EAF2: variants seen among roughly 807,000 people sequenced by gnomAD.
EAF2 encodes the protein ELL associated factor 2, also known as ELL-associated factor 2.
A neutral mutation model predicts 29.4 loss-of-function variants in EAF2; 29 were observed. The ratio of observed to expected loss-of-function variants is 0.99; its 90% CI spans 0.73 to 1.35. The LOEUF (loss-of-function observed/expected upper bound fraction) is 1.35, where lower values mean the gene tolerates loss of function less well. EAF2 is among the 40% of genes most tolerant of loss of function. The pLI, the probability that EAF2 is intolerant of heterozygous loss-of-function variation, is 0.00. For synonymous variants in EAF2, 103 were observed against 102.5 expected, an observed-to-expected ratio of 1.00 and a Z score of -0.03; for missense variants, 292 against 312.0, an observed-to-expected ratio of 0.94 and a Z score of 0.48.
At chr3:121,849,173 G>A (rs760570897) in intron 2 of EAF2, among the ~76,000 whole-genome samples, 4 of 152,108 alleles carry the variant, frequency 2.6e-5, no homozygotes, top group South Asian at 2.1e-4. Context: ...ACTTGCTTTC[G>A]TCATCCTGGT....
At chr3:121,865,136 C>T (rs1311424408) in intron 4 of EAF2, among the ~76,000 whole-genome samples, 1 of 152,086 alleles carries the variant, frequency 6.6e-6, no homozygotes, top group Non-Finnish European at 1.5e-5. Context: ...AGGCAAGGCA[C>T]AGTGGCTCAT....
intron 2 of EAF2, among the ~76,000 whole-genome samples, chr3:121,849,657 A>C (rs1708591476): frequency 6.6e-6 from 1 of 152,036 alleles, no homozygotes; most frequent in African/African-American, 2.4e-5. Flanking sequence ...TGAGGCTCCT[A>C]TATGTATGAG....
At chr3:121,884,136 G>A (rs553597791) in intron 5 of EAF2, among the ~76,000 whole-genome samples, 12 of 151,984 alleles carry the variant, frequency 7.9e-5, no homozygotes, top group South Asian at 2.1e-4. Context: ...TCAGGAGTTC[G>A]AGACCAGCCT....
Position 121,857,009 on chromosome 3 carries a change from A to G in EAF2, c.339-2A>G, listed in dbSNP as rs1208375252. The G allele has an allele frequency of 1.2e-6, 2 of 1,605,918 alleles. No individual in the cohort carries two copies. The highest frequency in any genetic ancestry group is 1.3e-5 in the African/African-American group (1 of 74,568). ...TTCAATATTTGATATTCTTAATTGC[A>G]GAGTTGAAGGAAGCAGTAAAATTCA... is the stretch of plus-strand genomic sequence containing the variant. On this transcript the variant is annotated splice_acceptor_variant, in intron 3 of 5. Transcript: ENST00000273668. LOFTEE classifies it high-confidence loss of function.
chr3:121,884,155 T>TG (rs2107552472), intron 5 of EAF2, among the ~76,000 whole-genome samples: 1 of 151,920 alleles, frequency 6.6e-6, no homozygotes, highest in South Asian at 2.1e-4. Flanking sequence ...CTGGCCAACA[T>TG]GGTGAAACCC....
chr3:121,842,409 T>G (rs1479910340), intron 1 of EAF2, among the ~76,000 whole-genome samples: 2 of 152,206 alleles, frequency 1.3e-5, no homozygotes, highest in Non-Finnish European at 2.9e-5. Context: ...TTGTTGACAT[T>G]GATATATCTT....
chr3:121,876,046 AG>A (rs1709089658), intron 5 of EAF2, among the ~76,000 whole-genome samples: 1 of 152,006 alleles, frequency 6.6e-6, no homozygotes, highest in Non-Finnish European at 1.5e-5. Flanking sequence ...CCAGAATTGA[AG>A]AAACCCATGA....
intron 4 of EAF2, among the ~76,000 whole-genome samples, chr3:121,859,174 A>T (rs989273572): frequency 6.6e-6 from 1 of 151,938 alleles, no homozygotes; most frequent in East Asian, 1.9e-4. Context: ...TGTCTGTATG[A>T]CTTTAAAGTA....
chr3:121,863,702 A>G (rs1559825295), intron 4 of EAF2, among the ~76,000 whole-genome samples: 1 of 151,830 alleles, frequency 6.6e-6, no homozygotes, highest in Non-Finnish European at 1.5e-5. Context: ...GGCTGCACCC[A>G]CTGTCTAACA....
At chr3:121,849,542 G>T (rs1276135652) in intron 2 of EAF2, among the ~76,000 whole-genome samples, 2 of 152,078 alleles carry the variant, frequency 1.3e-5, no homozygotes, top group Non-Finnish European at 2.9e-5. Flanking sequence ...TGCTTCTGTG[G>T]GCTTTTATGA....
At chr3:121,840,598 G>A (rs1344949492) in intron 1 of EAF2, among the ~76,000 whole-genome samples, 1 of 150,834 alleles carries the variant, frequency 6.6e-6, no homozygotes, top group Non-Finnish European at 1.5e-5. Flanking sequence ...GAGGTCAGGA[G>A]ATCGAGACCA....
At position 121,886,493 on chromosome 3, in the gene EAF2, G is replaced by A. The variant is rs568364884; in HGVS notation, c.*105G>A. ...AGGGAAATATGTCTTAACTTTTGAT[G>A]ATAAAAGAAATTAAATTTGATTCAG... On this transcript the variant is annotated 3_prime_UTR_variant, in exon 6 of 6. Coordinates refer to ENST00000273668, the MANE Select transcript of EAF2 (RefSeq NM_018456.6). 221 of 553,762 alleles carry A rather than the reference G, an allele frequency of 4.0e-4. No homozygotes were observed. Among genetic ancestry groups the A allele is most frequent in the Non-Finnish European group, 5.9e-4 (210 of 357,756 alleles). 34.3% of individuals were successfully genotyped at this position (553,762 alleles called of 1,614,324 possible).
intron 1 of EAF2, among the ~76,000 whole-genome samples, chr3:121,841,989 G>A (rs1708442813): frequency 6.6e-6 from 1 of 151,768 alleles, no homozygotes; most frequent in Non-Finnish European, 1.5e-5. Flanking sequence ...CTAGGCGACA[G>A]AGAGACTCCG....
chr3:121,872,801 A>G lies in EAF2; in HGVS notation c.736+13A>G. On this transcript the variant is annotated intron_variant, in intron 5 of 5. Coordinates refer to ENST00000273668, the MANE Select transcript of EAF2 (RefSeq NM_018456.6). ...ATGAATACTTTAAGTAAGTATACAT[A>G]AACACAGGCAATTGGAAAAGTAAGA... 6.3e-7 allele frequency: 1 copy of G among 1,594,108 alleles called. No homozygotes were observed. Among genetic ancestry groups the G allele is most frequent in the Non-Finnish European group, 8.5e-7 (1 of 1,170,772 alleles).
intron 1 of EAF2, chr3:121,836,916 A>T (rs1559814507): frequency 2.3e-6 from 1 of 436,362 alleles, no homozygotes; most frequent in Non-Finnish European, 3.0e-6. Flanking sequence ...CACAAATCCC[A>T]ATTTAAATGA....
intron 5 of EAF2, among the ~76,000 whole-genome samples, chr3:121,879,206 T>G (rs1451389261): frequency 6.6e-6 from 1 of 152,228 alleles, no homozygotes; most frequent in African/African-American, 2.4e-5. Context: ...ATTCAGTTTA[T>G]TTGCGCATTT....
At chr3:121,865,674 AT>A (rs1401983466) in intron 4 of EAF2, among the ~76,000 whole-genome samples, 3 of 120,668 alleles carry the variant, frequency 2.5e-5, no homozygotes, top group African/African-American at 9.5e-5. Context: ...AAAAAAAAAT[AT>A]TTTTTTAAAA....
Position 121,883,096 on chromosome 3 carries a change from CTA to C in EAF2, c.737-3242_737-3241del, listed in dbSNP as rs1288965807. Among the ~76,000 whole-genome samples, 22 of 152,098 alleles carry C rather than the reference CTA, an allele frequency of 1.4e-4. No homozygotes were observed. The South Asian group carries it at 3.1e-3, about 22-fold the overall frequency. Reference sequence around the variant, plus strand: ...TAACTTTGTAAATGTTAAAGAATAGCTATATCAGAAGATACAATGAAGTAACC... The same window carrying C: ...TAACTTTGTAAATGTTAAAGAATAGCTATCAGAAGATACAATGAAGTAACC... On this transcript the variant is annotated intron_variant, in intron 5 of 5. Coordinates refer to ENST00000273668, the MANE Select transcript of EAF2 (RefSeq NM_018456.6).
At chr3:121,877,843 G>T (rs1284864878) in intron 5 of EAF2, among the ~76,000 whole-genome samples, 13 of 152,030 alleles carry the variant, frequency 8.6e-5, no homozygotes, top group Admixed American at 7.2e-4. Context: ...ATTCACAGGT[G>T]CAAACATGGT....
Sources: gnomAD v4.1 joint callset for allele counts (sites outside exome capture counted in the v4.1 genomes callset) on GRCh38, gnomAD v4.1.1 for gene constraint, MANE v1.5 for transcripts, NCBI Gene and HGNC (gene_info 2026-07-23, HGNC 2026-07-21) for gene names.